Variants in CYP4Z1 observed in about 807,000 individuals in gnomAD.
The protein encoded by CYP4Z1 is cytochrome P450 family 4 subfamily Z member 1, also known as cytochrome P450 4Z1.
In CYP4Z1, 41 loss-of-function variants were observed where a neutral mutation model predicts 54.2. The observed-to-expected ratio is 0.76, with a 90% CI of 0.59 to 0.98. The LOEUF (loss-of-function observed/expected upper bound fraction) is 0.98, where lower values mean the gene tolerates loss of function less well. CYP4Z1 is among the 50% of genes least tolerant of loss of function. The pLI is 0.00. For missense variants in CYP4Z1, 513 were observed against 599.0 expected (o/e 0.86, Z 1.50); for synonymous variants, 163 against 206.2 (o/e 0.79, Z 1.79).
chr1:47,067,176 G>A (rs1186196038), upstream of CYP4Z1, among the ~76,000 whole-genome samples: 2 of 152,184 alleles, frequency 1.3e-5, no homozygotes, highest in African/African-American at 2.4e-5. Flanking sequence ...GACAAAGGAT[G>A]ACTAGATGGG....
At position 47,068,676 on chromosome 1, in the gene CYP4Z1, T is replaced by C. The variant is rs748081051; in HGVS notation, c.232T>C (p.Cys78Arg). ...TCATAAGCTGATGGAAAAATACCCATGTGCTGTTCCCTTGTGGGTTGGACC... is the reference window on the plus strand; with the variant it reads ...TCATAAGCTGATGGAAAAATACCCACGTGCTGTTCCCTTGTGGGTTGGACC... Reference protein sequence around the residue: ...VYHKLMEKYPCAVPLWVGPFT... With the variant: ...VYHKLMEKYPRAVPLWVGPFT... Residue 78 changes from cysteine (C) to arginine (R), a missense_variant, in exon 2 of 12, where the codon TGT becomes CGT. By Grantham distance (180) the Cys-to-Arg change is radical (BLOSUM62 -3). Coordinates refer to ENST00000334194, the MANE Select transcript of CYP4Z1 (RefSeq NM_178134.3). 6.8e-6 allele frequency: 11 copies of C among 1,614,002 alleles called. No homozygotes were observed. The highest frequency in any genetic ancestry group is 9.3e-6 in the Non-Finnish European group (11 of 1,180,000).
intron 8 of CYP4Z1, among the ~76,000 whole-genome samples, chr1:47,100,377 A>C (rs1198221833): frequency 1.3e-5 from 2 of 152,200 alleles, no homozygotes; most frequent in Non-Finnish European, 2.9e-5. Flanking sequence ...GCAGTCCAAA[A>C]ATATTAAATG....
At chr1:47,094,405 A>T (rs1644661342) in intron 6 of CYP4Z1, among the ~76,000 whole-genome samples, 161 bp from the exon 7 acceptor site, 1 of 152,240 alleles carries the variant, frequency 6.6e-6, no homozygotes, top group South Asian at 2.1e-4. Flanking sequence ...CGATTTTTTT[A>T]AAAAGACAGC....
intron 9 of CYP4Z1, among the ~76,000 whole-genome samples, 175 bp downstream of exon 9, chr1:47,106,436 C>G (rs530972656): frequency 6.6e-6 from 1 of 152,042 alleles, no homozygotes; most frequent in East Asian, 1.9e-4. Context: ...CAAACAGGCA[C>G]AGGATTATCA....
chr1:47,115,450 A>T (rs7547893), intron 9 of CYP4Z1, 79 bp from the exon 10 acceptor site: 513,654 of 1,261,328 alleles, frequency 0.41, 113,720 homozygotes, highest in East Asian at 0.98. Context: ...GTATAATTTT[A>T]AAAAAAAAGT....
upstream of CYP4Z1, among the ~76,000 whole-genome samples, chr1:47,063,866 A>T (rs1644436122): frequency 6.6e-6 from 1 of 152,146 alleles, no homozygotes; most frequent in Non-Finnish European, 1.5e-5. Context: ...AGATCTAGAC[A>T]TCCCAATAAA....
chr1:47,100,175 T>A (rs1286056301), intron 8 of CYP4Z1, among the ~76,000 whole-genome samples: 1 of 152,238 alleles, frequency 6.6e-6, no homozygotes, highest in Non-Finnish European at 1.5e-5. Flanking sequence ...CACTCATTTT[T>A]TAGAGGAGCT....
chr1:47,111,275 C>G (rs1644790473), intron 9 of CYP4Z1, among the ~76,000 whole-genome samples: 1 of 152,052 alleles, frequency 6.6e-6, no homozygotes, highest in South Asian at 2.1e-4. Flanking sequence ...ACTCTGCCTC[C>G]CAGATTCAAG....
chr1:47,104,703 G>C (rs768033508), intron 8 of CYP4Z1, among the ~76,000 whole-genome samples: 16 of 152,132 alleles, frequency 1.1e-4, no homozygotes, highest in Non-Finnish European at 1.9e-4. Context: ...GACTGGGCAG[G>C]GCAGTCTCTA....
chr1:47,086,054 T>C (rs1299799705), intron 6 of CYP4Z1, among the ~76,000 whole-genome samples: 6 of 152,160 alleles, frequency 3.9e-5, no homozygotes, highest in Non-Finnish European at 7.4e-5. Context: ...TAGTATTCCA[T>C]GGTGTATATG....
intron 9 of CYP4Z1, among the ~76,000 whole-genome samples, chr1:47,109,928 T>C (rs1644781662): frequency 6.6e-6 from 1 of 152,138 alleles, no homozygotes; most frequent in Middle Eastern, 3.2e-3. Flanking sequence ...TATTTCCTTT[T>C]TGCCCTAAGG....
intron 9 of CYP4Z1, among the ~76,000 whole-genome samples, chr1:47,111,654 T>A (rs1644792944): frequency 6.6e-6 from 1 of 152,284 alleles, no homozygotes; most frequent in Non-Finnish European, 1.5e-5. Flanking sequence ...AATATTAAAC[T>A]TTTTCCCCAC....
intron 4 of CYP4Z1, 126 bp downstream of exon 4, chr1:47,082,587 T>A: frequency 7.2e-7 from 1 of 1,396,172 alleles, no homozygotes; most frequent in Non-Finnish European, 9.6e-7. Context: ...TATTTGATGT[T>A]TAGACCATGA....
chr1:47,061,279 C>G, the CYP4Z1 span, among the ~76,000 whole-genome samples: 1 of 151,962 alleles, frequency 6.6e-6, no homozygotes, highest in South Asian at 2.1e-4. Context: ...ATATATAGGG[C>G]ATTAGCCACA....
At chr1:47,099,017 G>T in intron 7 of CYP4Z1, 77 bp from the exon 8 acceptor site, 1 of 1,487,478 alleles carries the variant, frequency 6.7e-7, no homozygotes, top group South Asian at 1.2e-5. Flanking sequence ...TAATCTTTTT[G>T]TATTATCATT....
intron 6 of CYP4Z1, among the ~76,000 whole-genome samples, chr1:47,087,462 A>G (rs548764731): frequency 1.0e-3 from 156 of 152,238 alleles, no homozygotes; most frequent in African/African-American, 3.3e-3. Flanking sequence ...AAGCAATTGT[A>G]AATGGGAGTT....
chr1:47,099,115 T>C lies in CYP4Z1; in HGVS notation c.898T>C (p.Ser300Pro), dbSNP rs758440812. The C allele has an allele frequency of 6.2e-7, 1 of 1,614,096 alleles. No homozygotes were observed. Among genetic ancestry groups the C allele is most frequent in the Non-Finnish European group, 8.5e-7 (1 of 1,179,990 alleles). The change falls in exon 8 of 12, where the codon TCT becomes CCT. Residue 300 changes from serine to proline, a missense_variant. Physicochemically the swap from Ser to Pro is moderately conservative, Grantham distance 74. Coordinates refer to ENST00000334194, the MANE Select transcript of CYP4Z1 (RefSeq NM_178134.3). ...SAKSENTKDFSEADLQAEVKT... is the reference protein window; with the variant it reads ...SAKSENTKDFPEADLQAEVKT... The stretch of plus-strand genomic sequence containing the variant: ...TTAGAGCGAAAACACCAAAGATTTC[T>C]CTGAAGCAGATCTCCAGGCTGAAGT...
chr1:47,058,140 C>G, the CYP4Z1 span, among the ~76,000 whole-genome samples: 4 of 152,212 alleles, frequency 2.6e-5, no homozygotes, highest in East Asian at 7.7e-4. Context: ...TCTCCTGAAT[C>G]AGGGCATCAT....
intron 6 of CYP4Z1, among the ~76,000 whole-genome samples, chr1:47,090,545 C>T (rs2742092): frequency 5.3e-5 from 8 of 152,116 alleles, no homozygotes; most frequent in African/African-American, 7.2e-5. Flanking sequence ...TGCAAATATG[C>T]GTTAAAAAGA....
Sources: allele counts gnomAD v4.1 joint callset (sites outside exome capture counted in the v4.1 genomes callset), GRCh38; gene constraint gnomAD v4.1.1; transcripts MANE v1.5; gene names NCBI Gene and HGNC (gene_info 2026-07-23, HGNC 2026-07-21).